Variants in ITGAV observed in about 807,000 individuals in gnomAD.
The protein encoded by ITGAV is integrin alpha-V.
In ITGAV, 76 loss-of-function variants were observed where a neutral mutation model predicts 143.8. That is an observed-to-expected ratio of 0.53 (90% CI 0.44 to 0.64). The LOEUF (loss-of-function observed/expected upper bound fraction) is 0.64. Among genes scored for constraint, ITGAV ranks in the 30% least tolerant of loss-of-function variants. The probability of loss-of-function intolerance (pLI) is 0.00; values close to 1 mark genes in which losing one functional copy is unlikely to be tolerated. For missense variants in ITGAV, 1,193 were observed against 1,274.7 expected (o/e 0.94, Z 0.98); for synonymous variants, 453 against 446.7 (o/e 1.01, Z -0.18).
chr2:186,654,704 A>AAGG lies in ITGAV; in HGVS notation c.1560_1561insAGG (p.Lys520_Leu521insArg), dbSNP rs1411316078. The stretch of plus-strand genomic sequence containing the variant: ...ATGGCAAAGGAGTACTTCCCAGGAA[A>AAGG]CTTAGTAAGTGTTCTATGAAAAATC... On this transcript the variant is annotated inframe_insertion, in exon 16 of 30. Coordinates refer to ENST00000261023, the MANE Select transcript of ITGAV (RefSeq NM_002210.5). 6.8e-7 allele frequency: 1 copy of AAGG among 1,477,940 alleles called. No individual in the cohort carries two copies. The highest frequency in any genetic ancestry group is 1.2e-5 in the South Asian group (1 of 85,864). 91.6% of individuals were successfully genotyped at this position (1,477,940 alleles called of 1,614,324 possible).
intron 11 of ITGAV, 77 bp downstream of exon 11, chr2:186,641,044 T>G (rs1346107882): frequency 5.3e-6 from 6 of 1,139,710 alleles, no homozygotes; most frequent in Non-Finnish European, 7.6e-6. Flanking sequence ...AAACATTTTT[T>G]TCTTCTGTTT....
In ITGAV at chr2:186,652,005, A is replaced by G. The variant is rs755750941; in HGVS notation, c.1421A>G (p.Asn474Ser). 12 of 1,612,080 alleles carry G rather than the reference A, an allele frequency of 7.4e-6. No individual in the cohort carries two copies. The East Asian group carries it at 2.7e-4, about 36-fold the overall frequency. Residue 474 changes from asparagine to serine, a missense_variant, in exon 15 of 30, where the codon AAT becomes AGT. By Grantham distance (46) the Asn-to-Ser change is conservative. Transcript: ENST00000261023. ...AGGGCCAGACCAGTTATCACTGTAA[A>G]TGCTGGTCTTGAAGTGTACCCTAGC... is the stretch of plus-strand genomic sequence containing the variant. ...LYRARPVITV[N>S]AGLEVYPSIL...
At chr2:186,653,833 TAAATC>T (rs907435410) in intron 15 of ITGAV, among the ~76,000 whole-genome samples, 2 of 152,166 alleles carry the variant, frequency 1.3e-5, no homozygotes, top group East Asian at 1.9e-4. Context: ...TAAAAGTAAT[TAAATC>T]AAGCATTTCA....
At chr2:186,622,839 T>C (rs984768942) in intron 3 of ITGAV, among the ~76,000 whole-genome samples, 1 of 152,090 alleles carries the variant, frequency 6.6e-6, no homozygotes, top group Non-Finnish European at 1.5e-5. Context: ...CTCGGCTGAC[T>C]GCAACCTCCG....
At chr2:186,646,917 G>T (rs200686900) in intron 13 of ITGAV, 40 bp downstream of exon 13, 4 of 1,326,166 alleles carry the variant, frequency 3.0e-6, no homozygotes, top group Admixed American at 5.0e-5. Flanking sequence ...AGATTTTTCA[G>T]TCCTAATAGC....
intron 1 of ITGAV, among the ~76,000 whole-genome samples, chr2:186,593,894 T>A (rs1327058882): frequency 6.6e-6 from 1 of 152,228 alleles, no homozygotes; most frequent in Non-Finnish European, 1.5e-5. Flanking sequence ...TGAACAATTT[T>A]AAAATTCATT....
chr2:186,672,135 G>T (rs1273365499), intron 26 of ITGAV, among the ~76,000 whole-genome samples: 2 of 151,816 alleles, frequency 1.3e-5, no homozygotes, highest in African/African-American at 4.8e-5. Flanking sequence ...TGTGTTTTTA[G>T]TAGAGACGGG....
chr2:186,654,543 A>T lies in ITGAV; in HGVS notation c.1506-107A>T, dbSNP rs1053362165. On this transcript the variant is annotated intron_variant, in intron 15 of 29. Transcript: ENST00000261023. ...ATATTAAGACATGAAGAAAGATGTA[A>T]GGCTTCACAATACAAACTATGTAGT... 2 of 566,968 alleles carry T rather than the reference A, an allele frequency of 3.5e-6. 1 individual carries two copies. Among genetic ancestry groups the T allele is most frequent in the East Asian group, 5.9e-5 (2 of 33,866 alleles). The allele number at this position is 566,968 out of a possible 1,614,324, so 35.1% of individuals were successfully genotyped here.
chr2:186,603,006 A>T (rs1319072167), intron 2 of ITGAV, among the ~76,000 whole-genome samples: 1 of 152,148 alleles, frequency 6.6e-6, no homozygotes, highest in African/African-American at 2.4e-5. Context: ...AATTTTAGGG[A>T]TAATTTTCAG....
chr2:186,668,997 A>G, intron 25 of ITGAV, 77 bp downstream of exon 25: 2 of 1,295,092 alleles, frequency 1.5e-6, no homozygotes, highest in Non-Finnish European at 2.1e-6. Flanking sequence ...AGAAATTCAT[A>G]AAATAAAACA....
chr2:186,605,836 T>TGTATATGTATAATACATATATTCTTAC (rs2105661175), intron 2 of ITGAV, among the ~76,000 whole-genome samples: 1 of 148,782 alleles, frequency 6.7e-6, no homozygotes, highest in African/African-American at 2.4e-5. Flanking sequence ...TATATTCTTA[T>TGTATATGTATAATACATATATTCTTAC]GTATATGTAT....
In ITGAV at chr2:186,641,606, C is replaced by T. The variant is rs998680090; in HGVS notation, c.1159+18C>T. 6.2e-7 allele frequency: 1 copy of T among 1,602,718 alleles called. No individual in the cohort carries two copies. The highest frequency in any genetic ancestry group is 8.5e-7 in the Non-Finnish European group (1 of 1,170,266). ...TTTCAATGGTAAGATCAAAGTTTAG[C>T]AGCTACAGGTCCCTGATTATCTGTG... On this transcript the variant is annotated intron_variant, in intron 12 of 29. Transcript: ENST00000261023.
intron 29 of ITGAV, 102 bp downstream of exon 29, chr2:186,677,037 T>C: frequency 7.8e-7 from 1 of 1,279,854 alleles, no homozygotes; most frequent in South Asian, 1.3e-5. Context: ...AGAAAGGGAC[T>C]GTAATGATGA....
At chr2:186,609,462 A>G (rs576795313) in intron 2 of ITGAV, among the ~76,000 whole-genome samples, 1 of 152,288 alleles carries the variant, frequency 6.6e-6, no homozygotes, top group Non-Finnish European at 1.5e-5. Flanking sequence ...CTATCCTGTA[A>G]CATGATTTTG....
intron 14 of ITGAV, among the ~76,000 whole-genome samples, chr2:186,651,354 A>G (rs886630135): frequency 6.6e-6 from 1 of 152,172 alleles, no homozygotes; most frequent in Non-Finnish European, 1.5e-5. Flanking sequence ...ACTCAGGAAA[A>G]CTGTATTTAT....
chr2:186,654,657 G>A lies in ITGAV; in HGVS notation c.1513G>A (p.Val505Ile), dbSNP rs1310050620. The change falls in exon 16 of 30, where the codon GTT (valine) becomes ATT (isoleucine). Residue 505 changes from valine to isoleucine, a missense_variant. Val to Ile is a conservative substitution (Grantham distance 29). Transcript: ENST00000261023. ...TTTTTTATTTTTCCACAGTTTTAAT[G>A]TTAGGTTCTGCTTAAAGGCAGATGG... ...GTALKVSCFN[V>I]RFCLKADGKG... 2 of 1,526,564 alleles carry A rather than the reference G, an allele frequency of 1.3e-6. No homozygotes were observed. Among genetic ancestry groups the A allele is most frequent in the African/African-American group, 1.4e-5 (1 of 72,652 alleles). The allele number at this position is 1,526,564 out of a possible 1,614,324, so 94.6% of individuals were successfully genotyped here. A position where few individuals can be genotyped will look rare whatever the true frequency, so the allele number is the denominator to read the frequency against.
At chr2:186,623,306 TA>T (rs1356742180) in intron 3 of ITGAV, among the ~76,000 whole-genome samples, 1 of 152,068 alleles carries the variant, frequency 6.6e-6, no homozygotes, top group Non-Finnish European at 1.5e-5. Flanking sequence ...TATTTATTTT[TA>T]TCTTTCTTGC....
At position 186,667,141 on chromosome 2, in the gene ITGAV, C is replaced by A. The variant is rs200640839; in HGVS notation, c.2247-9C>A. ...AATTCATTTTTAAGTTTTTTTTTTT[C>A]TTTTTCAGCTCAAATCTATTTGACA... On this transcript the variant is annotated splice_polypyrimidine_tract_variant and intron_variant, in intron 22 of 29. Transcript: ENST00000261023. 9.9e-6 allele frequency: 15 copies of A among 1,509,866 alleles called. No individual in the cohort carries two copies. The highest frequency in any genetic ancestry group is 1.2e-5 in the Non-Finnish European group (14 of 1,121,634). The allele number at this position is 1,509,866 out of a possible 1,614,324, so 93.5% of individuals were successfully genotyped here. A position where few individuals can be genotyped will look rare whatever the true frequency, so the allele number is the denominator to read the frequency against.
chr2:186,658,015 TG>T (rs1688638712), intron 17 of ITGAV, among the ~76,000 whole-genome samples: 1 of 151,896 alleles, frequency 6.6e-6, no homozygotes, highest in African/African-American at 2.4e-5. Flanking sequence ...GTTCCTGGAG[TG>T]GTCAAGGATA....
Sources: allele counts gnomAD v4.1 joint callset (sites outside exome capture counted in the v4.1 genomes callset), GRCh38; gene constraint gnomAD v4.1.1; transcripts MANE v1.5; gene names NCBI Gene and HGNC (gene_info 2026-07-23, HGNC 2026-07-21).